ZBTB5: variants seen among roughly 807,000 people sequenced by gnomAD.
ZBTB5 encodes zinc finger and BTB domain containing 5.
Under a neutral mutation model 37.9 loss-of-function variants are expected in ZBTB5, and 15 were observed. The ratio of observed to expected loss-of-function variants is 0.40; its 90% CI spans 0.26 to 0.61. The LOEUF is 0.61. Ranked by LOEUF, ZBTB5 falls within the 20% of genes least tolerant of loss-of-function variation. The pLI, the probability that ZBTB5 is intolerant of heterozygous loss-of-function variation, is 0.47. For missense variants in ZBTB5, 708 were observed against 856.8 expected (o/e 0.83, Z 2.17); for synonymous variants, 315 against 312.4 (o/e 1.01, Z -0.09).
At chr9:37,447,291 C>A (rs1472581677) in intron 1 of ZBTB5, among the ~76,000 whole-genome samples, 1 of 152,168 alleles carries the variant, frequency 6.6e-6, no homozygotes, top group Non-Finnish European at 1.5e-5. Flanking sequence ...AGGAGAACAG[C>A]ATGGGGGAAA....
intron 1 of ZBTB5, among the ~76,000 whole-genome samples, chr9:37,450,951 T>C (rs1344212175): frequency 1.3e-5 from 2 of 151,560 alleles, no homozygotes; most frequent in Admixed American, 6.6e-5. Flanking sequence ...TTGAAAATGG[T>C]AGTCTTGGAG....
intron 1 of ZBTB5, among the ~76,000 whole-genome samples, chr9:37,453,214 G>C (rs1168018520): frequency 6.6e-6 from 1 of 152,172 alleles, no homozygotes; most frequent in Non-Finnish European, 1.5e-5. Context: ...AATAGTGACA[G>C]GGTCTTGCTC....
rs1823811892 is a variant in ZBTB5 at position 37,439,441 on chromosome 9, G to C, written c.*1077C>G. 1 of 152,100 alleles carries C rather than the reference G, an allele frequency of 6.6e-6. No individual in the cohort carries two copies. Among genetic ancestry groups the C allele is most frequent in the Non-Finnish European group, 1.5e-5 (1 of 68,016 alleles). 9.4% of individuals were successfully genotyped at this position (152,100 alleles called of 1,614,324 possible). ...GGGAGCAACAAATAATAAAATTTAGGGTCTGTACTGTTAAAAGTATAGTAT... is the reference window on the plus strand; with the variant it reads ...GGGAGCAACAAATAATAAAATTTAGCGTCTGTACTGTTAAAAGTATAGTAT... On this transcript the variant is annotated 3_prime_UTR_variant, in exon 2 of 2. Coordinates refer to ENST00000307750, the MANE Select transcript of ZBTB5 (RefSeq NM_014872.3).
chr9:37,449,694 CAAAAAAAAAAAA>C (rs60696023), intron 1 of ZBTB5, among the ~76,000 whole-genome samples: 1 of 50,108 alleles, frequency 2.0e-5, no homozygotes, highest in East Asian at 7.1e-4. Flanking sequence ...ATGAGACTCT[CAAAAAAAAAAAA>C]AAAAAAAAAG....
chr9:37,441,421 C>G lies in ZBTB5; in HGVS notation c.1131G>C (p.Arg377=). The change falls in exon 2 of 2, where the codon CGG becomes CGC. Residue 377 remains arginine (R), a synonymous_variant. Transcript: ENST00000307750. ...TGCTAGACTGGGGATCTGAAAAACTCCGATCACTGCTTTCAGGGCTGAGGT... is the reference window on the plus strand; with the variant it reads ...TGCTAGACTGGGGATCTGAAAAACTGCGATCACTGCTTTCAGGGCTGAGGT... ...KIDLSPESSD[R]SFSDPQSSTD... 6.2e-7 allele frequency: 1 copy of G among 1,613,836 alleles called. No homozygotes were observed. Among genetic ancestry groups the G allele is most frequent in the Non-Finnish European group, 8.5e-7 (1 of 1,179,996 alleles).
Position 37,441,547 on chromosome 9 carries a change from G to A in ZBTB5, c.1005C>T (p.Ser335=). 6.2e-7 allele frequency: 1 copy of A among 1,612,732 alleles called. No individual in the cohort carries two copies. The highest frequency in any genetic ancestry group is 8.5e-7 in the Non-Finnish European group (1 of 1,179,852). The change falls in exon 2 of 2, where the codon AGC becomes AGT. Residue 335 remains serine (S), a synonymous_variant. Coordinates refer to ENST00000307750, the MANE Select transcript of ZBTB5 (RefSeq NM_014872.3). ...TCACTTCATCCTGAGGCTCAGGTGA[G>A]CTCAGGGGCTCAGATTTAACCACCA... is the stretch of plus-strand genomic sequence containing the variant. ...MRVVVKSEPL[S]SPEPQDEVSD...
In ZBTB5 at chr9:37,442,158, G is replaced by A. The variant is rs368542121; in HGVS notation, c.394C>T (p.Arg132Cys). 2.0e-5 allele frequency: 33 copies of A among 1,614,096 alleles called. No individual in the cohort carries two copies. The highest frequency in any genetic ancestry group is 2.8e-5 in the Non-Finnish European group (33 of 1,180,052). ...RTLPMSPPSE[R>C]VQEQSARMQR... ...ATGCGGGCGCTCTGCTCCTGAACGC[G>A]CTCACTGGGGGGAGACATGGGCAGC... The change falls in exon 2 of 2, where the codon CGC (arginine) becomes TGC (cysteine). Residue 132 changes from arginine (R) to cysteine (C), a missense_variant. Around this residue, in one of 3 missense-constraint regions of ZBTB5, gnomAD observed 639 missense variants for 690.5 expected, o/e 0.93. Coordinates refer to ENST00000307750, the MANE Select transcript of ZBTB5 (RefSeq NM_014872.3).
intron 1 of ZBTB5, among the ~76,000 whole-genome samples, chr9:37,460,361 G>A (rs952742659): frequency 4.6e-5 from 7 of 151,782 alleles, no homozygotes; most frequent in Admixed American, 2.0e-4. Flanking sequence ...GCTTGAACCC[G>A]GGAGGTGGAG....
At chr9:37,451,038 G>A (rs1174433939) in intron 1 of ZBTB5, among the ~76,000 whole-genome samples, 2 of 151,926 alleles carry the variant, frequency 1.3e-5, no homozygotes, top group African/African-American at 2.4e-5. Flanking sequence ...AAAATAGCCG[G>A]GTGTGGTGAT....
Position 37,452,399 on chromosome 9 carries a change from C to T in ZBTB5, c.-4-9844G>A, listed in dbSNP as rs556817573. Among the ~76,000 whole-genome samples, 44 of 152,174 alleles carry T rather than the reference C, an allele frequency of 2.9e-4. No homozygotes were observed. The South Asian group carries it at 8.9e-3, about 31-fold the overall frequency. On this transcript the variant is annotated intron_variant, in intron 1 of 1. Coordinates refer to ENST00000307750, the MANE Select transcript of ZBTB5 (RefSeq NM_014872.3). ...ATTTTTGATATATGTTTTGGCCATC[C>T]CCAAAACCCAGAAGTCAATATTCCA... is the stretch of plus-strand genomic sequence containing the variant.
chr9:37,441,551 A>C lies in ZBTB5; in HGVS notation c.1001T>G (p.Leu334Arg). ...TTCATCCTGAGGCTCAGGTGAGCTC[A>C]GGGGCTCAGATTTAACCACCACTCT... is the stretch of plus-strand genomic sequence containing the variant. ...HMRVVVKSEP[L>R]SSPEPQDEVS... is the part of the protein sequence containing the mutation. The change falls in exon 2 of 2, where the codon CTG becomes CGG. Residue 334 changes from leucine to arginine, a missense_variant. Transcript: ENST00000307750. 6.2e-7 allele frequency: 1 copy of C among 1,612,904 alleles called. No individual in the cohort carries two copies. Among genetic ancestry groups the C allele is most frequent in the Non-Finnish European group, 8.5e-7 (1 of 1,179,888 alleles).
intron 1 of ZBTB5, among the ~76,000 whole-genome samples, chr9:37,456,717 A>C (rs190590196): frequency 6.6e-6 from 1 of 152,342 alleles, no homozygotes; most frequent in East Asian, 1.9e-4. Flanking sequence ...TTTTCTACTA[A>C]AACAGCTTAT....
intron 1 of ZBTB5, among the ~76,000 whole-genome samples, chr9:37,450,995 T>A (rs889279287): frequency 2.0e-5 from 3 of 151,818 alleles, no homozygotes; most frequent in African/African-American, 7.3e-5. Context: ...CTGGGCAACA[T>A]GGTGAGACCC....
chr9:37,444,956 A>AG (rs1256740423), intron 1 of ZBTB5, among the ~76,000 whole-genome samples: 1 of 152,116 alleles, frequency 6.6e-6, no homozygotes, highest in East Asian at 1.9e-4. Context: ...TGGGTCTCCA[A>AG]GGGGGGTGGG....
intron 1 of ZBTB5, among the ~76,000 whole-genome samples, chr9:37,447,179 G>A (rs1431873990): frequency 6.6e-6 from 1 of 152,238 alleles, no homozygotes; most frequent in African/African-American, 2.4e-5. Context: ...GGAAGGCAAA[G>A]GGAAAGCAAG....
intron 1 of ZBTB5, among the ~76,000 whole-genome samples, chr9:37,458,223 C>T (rs930363899): frequency 2.0e-5 from 3 of 152,230 alleles, no homozygotes; most frequent in African/African-American, 7.2e-5. Context: ...AACACAGCTA[C>T]TACTAACCAA....
chr9:37,463,144 A>C (rs1210612409), intron 1 of ZBTB5, among the ~76,000 whole-genome samples: 2 of 152,238 alleles, frequency 1.3e-5, no homozygotes, highest in Non-Finnish European at 2.9e-5. Flanking sequence ...TGGATCTTGA[A>C]ATTAAAAGCT....
chr9:37,460,032 G>C (rs2118960103), intron 1 of ZBTB5, among the ~76,000 whole-genome samples: 1 of 138,932 alleles, frequency 7.2e-6, no homozygotes, highest in East Asian at 2.2e-4. Flanking sequence ...TTTTAGTAAA[G>C]ACTGGGTTTC....
intron 1 of ZBTB5, among the ~76,000 whole-genome samples, chr9:37,462,713 G>A (rs553328571): frequency 1.2e-4 from 19 of 152,146 alleles, no homozygotes; most frequent in Admixed American, 8.5e-4. Context: ...ACAGGCGCAC[G>A]TCACCATGCC....
Sources: gnomAD v4.1 joint callset for allele counts (sites outside exome capture counted in the v4.1 genomes callset) on GRCh38, gnomAD v4.1.1 for gene constraint, gnomAD v4.1.1 regional missense constraint, MANE v1.5 for transcripts, NCBI Gene and HGNC (gene_info 2026-07-23, HGNC 2026-07-21) for gene names.